The following CDH4 variants were observed in gnomAD, a reference collection of about 807,000 sequenced individuals.
CDH4 encodes cadherin-4.
Under a neutral mutation model 86.0 loss-of-function variants are expected in CDH4, and 33 were observed. That is an observed-to-expected ratio of 0.38 (90% CI 0.29 to 0.51). The LOEUF is 0.51. Among genes scored for constraint, CDH4 ranks in the 20% least tolerant of loss-of-function variants. The pLI is 0.86. For missense variants in CDH4, 1,114 were observed against 1,307.4 expected (o/e 0.85, Z 2.28); for synonymous variants, 555 against 549.4 (o/e 1.01, Z -0.14).
intron 2 of CDH4, among the ~76,000 whole-genome samples, chr20:61,711,822 G>T (rs2087896527): frequency 6.6e-6 from 1 of 152,308 alleles, no homozygotes; most frequent in Admixed American, 6.5e-5. Context: ...GGTGAGGACG[G>T]GTGGTGGAGG....
chr20:61,652,955 T>TTTTTTTTTTTTTTTTTTTTA (rs1600842152), intron 2 of CDH4, among the ~76,000 whole-genome samples: 1 of 122,854 alleles, frequency 8.1e-6, no homozygotes, highest in African/African-American at 2.8e-5. Context: ...TTTTTTTTTT[T>TTTTTTTTTTTTTTTTTTTTA]ATTGATCATT....
chr20:61,585,991 A>G (rs201952356), intron 2 of CDH4, among the ~76,000 whole-genome samples: 1 of 139,328 alleles, frequency 7.2e-6, no homozygotes, highest in Non-Finnish European at 1.6e-5. Context: ...GATGATGGTG[A>G]TGATGATGAT....
intron 2 of CDH4, among the ~76,000 whole-genome samples, chr20:61,624,823 G>T (rs1424828266): frequency 6.6e-6 from 1 of 152,210 alleles, no homozygotes; most frequent in African/African-American, 2.4e-5. Flanking sequence ...GCCGACGCTG[G>T]CATGGGGGAT....
chr20:61,723,928 A>AG (rs1180565547), intron 2 of CDH4, among the ~76,000 whole-genome samples: 23 of 124,158 alleles, frequency 1.9e-4, no homozygotes, highest in Admixed American at 3.3e-4. Context: ...TCCATGTGGC[A>AG]GGGGGGTAGG....
At chr20:61,791,864 G>T (rs1221204989) in intron 4 of CDH4, among the ~76,000 whole-genome samples, 1 of 151,924 alleles carries the variant, frequency 6.6e-6, no homozygotes, top group Non-Finnish European at 1.5e-5. Flanking sequence ...GAATGGAAAG[G>T]TCTGTGCGGT....
intron 2 of CDH4, among the ~76,000 whole-genome samples, chr20:61,296,595 G>C (rs527678992): frequency 6.6e-6 from 1 of 151,910 alleles, no homozygotes; most frequent in Non-Finnish European, 1.5e-5. Context: ...AGCATTTACC[G>C]CCTCGTAAAT....
intron 2 of CDH4, among the ~76,000 whole-genome samples, chr20:61,679,886 C>G (rs1288467920): frequency 6.6e-6 from 1 of 152,220 alleles, no homozygotes; most frequent in Non-Finnish European, 1.5e-5. Context: ...TTCCAAGGCT[C>G]TTCACCAGGT....
At chr20:61,818,855 C>A (rs775322911) in intron 4 of CDH4, among the ~76,000 whole-genome samples, 44 of 152,134 alleles carry the variant, frequency 2.9e-4, no homozygotes, top group Non-Finnish European at 4.7e-4. Context: ...GCCACCCCAC[C>A]CGGCAGTCCA....
At chr20:61,328,586 C>T (rs2123256149) in intron 2 of CDH4, among the ~76,000 whole-genome samples, 1 of 152,278 alleles carries the variant, frequency 6.6e-6, no homozygotes, top group South Asian at 2.1e-4. Context: ...GAGTTCAAGA[C>T]CAGTCTGGGC....
At chr20:61,660,229 T>G (rs1486301452) in intron 2 of CDH4, among the ~76,000 whole-genome samples, 2 of 152,204 alleles carry the variant, frequency 1.3e-5, no homozygotes, top group Non-Finnish European at 2.9e-5. Flanking sequence ...TCCCCGTCTT[T>G]CCTTCTTGTC....
chr20:61,352,952 C>G (rs928870767), intron 2 of CDH4, among the ~76,000 whole-genome samples: 7 of 152,260 alleles, frequency 4.6e-5, no homozygotes, highest in African/African-American at 1.7e-4. Context: ...CCTCAACATT[C>G]TCTCTGCCTG....
chr20:61,646,044 A>G (rs1284025821), intron 2 of CDH4, among the ~76,000 whole-genome samples: 1 of 152,212 alleles, frequency 6.6e-6, no homozygotes, highest in African/African-American at 2.4e-5. Context: ...CCCAGCATGC[A>G]GTGAGCTCAG....
intron 7 of CDH4, among the ~76,000 whole-genome samples, chr20:61,884,449 G>A (rs1036011511): frequency 6.6e-6 from 1 of 152,150 alleles, no homozygotes; most frequent in Non-Finnish European, 1.5e-5. Flanking sequence ...GGCAGTGGAC[G>A]GTCCACGAGT....
In CDH4 at chr20:61,810,993, G is replaced by C. The variant is rs527884747; in HGVS notation, c.577-33675G>C. 2.6e-5 allele frequency among the ~76,000 whole-genome samples: 4 copies of C among 152,180 alleles called. No homozygotes were observed. In the South Asian group the frequency reaches 6.2e-4, roughly 24 times the overall value. On this transcript the variant is annotated intron_variant, in intron 4 of 15. Coordinates refer to ENST00000614565, the MANE Select transcript of CDH4 (RefSeq NM_001794.5). This position sits in a 1 kb window ranked among gnomAD's most constrained non-coding sequence, Gnocchi z 4.3. ...TGCATTTGTAACGGGAGCTAGAAAGGAATCAGTCAAACGAACTCATGGCTC... is the reference window on the plus strand; with the variant it reads ...TGCATTTGTAACGGGAGCTAGAAAGCAATCAGTCAAACGAACTCATGGCTC...
At chr20:61,627,035 T>G (rs2086835915) in intron 2 of CDH4, among the ~76,000 whole-genome samples, 1 of 152,002 alleles carries the variant, frequency 6.6e-6, no homozygotes, top group Non-Finnish European at 1.5e-5. Flanking sequence ...CCAGACAAGC[T>G]TTAGGGGAAA....
At chr20:61,757,339 A>T (rs2088578206) in intron 3 of CDH4, among the ~76,000 whole-genome samples, 1 of 151,996 alleles carries the variant, frequency 6.6e-6, no homozygotes, top group Non-Finnish European at 1.5e-5. Context: ...GCAGCTTGTA[A>T]CTCTTCATGG....
intron 2 of CDH4, among the ~76,000 whole-genome samples, chr20:61,287,775 G>A (rs1221997398): frequency 1.3e-5 from 2 of 152,176 alleles, no homozygotes; most frequent in Non-Finnish European, 2.9e-5. Context: ...CCTAAGTGAG[G>A]CTTGTGCGTG....
chr20:61,668,410 G>A (rs1331607874), intron 2 of CDH4, among the ~76,000 whole-genome samples: 1 of 152,228 alleles, frequency 6.6e-6, no homozygotes, highest in African/African-American at 2.4e-5. Context: ...ACATGACCCT[G>A]AGAACACACG....
At chr20:61,934,258 G>A in intron 15 of CDH4, 38 bp downstream of exon 15, 1 of 1,500,138 alleles carries the variant, frequency 6.7e-7, no homozygotes, top group South Asian at 1.3e-5. Flanking sequence ...CGGGCAAGGT[G>A]TCTCCTCTAA....
Sources: allele counts gnomAD v4.1 joint callset (sites outside exome capture counted in the v4.1 genomes callset), GRCh38; gene constraint gnomAD v4.1.1; non-coding constraint Gnocchi (gnomAD v3.1); transcripts MANE v1.5; gene names NCBI Gene and HGNC (gene_info 2026-07-23, HGNC 2026-07-21).